Variants in LRFN5 observed in about 807,000 individuals in gnomAD.
LRFN5 encodes leucine rich repeat and fibronectin type III domain containing 5.
A neutral mutation model predicts 45.6 loss-of-function variants in LRFN5; 24 were observed. That is an observed-to-expected ratio of 0.53 (90% confidence interval 0.38 to 0.74). The LOEUF (loss-of-function observed/expected upper bound fraction) is 0.74, where lower values mean the gene tolerates loss of function less well. LRFN5 is among the 30% of genes least tolerant of loss of function. The pLI is 0.00. For synonymous variants in LRFN5, 340 were observed against 313.8 expected, an observed-to-expected ratio of 1.08 and a Z score of -0.88; for missense variants, 776 against 861.5, an observed-to-expected ratio of 0.90 and a Z score of 1.24.
chr14:41,782,993 A>G (rs1485912720), intron 2 of LRFN5, among the ~76,000 whole-genome samples: 2 of 47,114 alleles, frequency 4.2e-5, no homozygotes, highest in African/African-American at 7.8e-5. Flanking sequence ...TTTTTTTTCT[A>G]TTAGATGAAT....
intron 2 of LRFN5, among the ~76,000 whole-genome samples, chr14:41,860,626 A>G (rs1594473335): frequency 6.6e-6 from 1 of 152,230 alleles, no homozygotes; most frequent in East Asian, 1.9e-4. Flanking sequence ...AAAAATTAAA[A>G]CAGGAAAAAG....
intron 2 of LRFN5, among the ~76,000 whole-genome samples, chr14:41,851,559 A>G (rs1308930675): frequency 2.0e-5 from 3 of 151,818 alleles, no homozygotes; most frequent in African/African-American, 7.2e-5. Context: ...TTTTACATAA[A>G]TTAATTTAAA....
At chr14:41,801,228 A>T (rs1594421055) in intron 2 of LRFN5, among the ~76,000 whole-genome samples, 1 of 152,118 alleles carries the variant, frequency 6.6e-6, no homozygotes, top group African/African-American at 2.4e-5. Flanking sequence ...ATATCTGCAT[A>T]TAAAAAATGG....
chr14:41,751,317 C>G (rs1455990565), intron 1 of LRFN5, among the ~76,000 whole-genome samples: 2 of 151,946 alleles, frequency 1.3e-5, no homozygotes, highest in African/African-American at 4.8e-5. Flanking sequence ...AATTCAAATG[C>G]ACATACTTTT....
intron 1 of LRFN5, among the ~76,000 whole-genome samples, chr14:41,727,812 C>T (rs545321697): frequency 6.6e-6 from 1 of 152,178 alleles, no homozygotes; most frequent in African/African-American, 2.4e-5. Context: ...GTATATGTGA[C>T]TTTGAGCCAA....
intron 2 of LRFN5, among the ~76,000 whole-genome samples, chr14:41,800,650 T>A (rs1182897232): frequency 6.6e-6 from 1 of 151,752 alleles, no homozygotes; most frequent in African/African-American, 2.4e-5. Context: ...CTATAATTCC[T>A]AACAAATGAA....
intron 1 of LRFN5, among the ~76,000 whole-genome samples, chr14:41,653,029 ATTTG>A (rs1880204684): frequency 6.6e-6 from 1 of 151,956 alleles, no homozygotes; most frequent in Admixed American, 6.6e-5. Flanking sequence ...CTTCTTGTAA[ATTTG>A]TTTAAGTTCC....
chr14:41,632,303 T>G (rs1018804424), intron 1 of LRFN5, among the ~76,000 whole-genome samples: 48 of 152,264 alleles, frequency 3.2e-4, no homozygotes, highest in African/African-American at 1.1e-3. Flanking sequence ...AACGGCCCTT[T>G]AAAAATGTAG....
At chr14:41,796,177 A>G (rs1887123780) in intron 2 of LRFN5, among the ~76,000 whole-genome samples, 4 of 152,038 alleles carry the variant, frequency 2.6e-5, no homozygotes, top group Admixed American at 2.6e-4. Flanking sequence ...TTTGAATAAA[A>G]AAGTTTTTCT....
chr14:41,630,549 T>A (rs1440762552), intron 1 of LRFN5, among the ~76,000 whole-genome samples: 1 of 152,148 alleles, frequency 6.6e-6, no homozygotes, highest in East Asian at 1.9e-4. Flanking sequence ...TATTATATAC[T>A]GTAATTACTA....
chr14:41,899,055 A>G (rs1891027955), intron 5 of LRFN5, 95 bp downstream of exon 5: 1 of 984,764 alleles, frequency 1.0e-6, no homozygotes, highest in Non-Finnish European at 1.5e-6. Context: ...TAATTTATGT[A>G]GCTTGTTGAA....
At chr14:41,756,796 G>A (rs539325794) in intron 1 of LRFN5, among the ~76,000 whole-genome samples, 1 of 152,280 alleles carries the variant, frequency 6.6e-6, no homozygotes, top group South Asian at 2.1e-4. Flanking sequence ...TCCATTGCTG[G>A]TGAGGAGCTG....
At chr14:41,736,616 A>T (rs1488943347) in intron 1 of LRFN5, among the ~76,000 whole-genome samples, 1 of 152,194 alleles carries the variant, frequency 6.6e-6, no homozygotes, top group African/African-American at 2.4e-5. Context: ...CAGACTAATA[A>T]AGAAGAAAAG....
rs577352078 is a variant in LRFN5 at position 41,668,017 on chromosome 14, G to T, written c.-197+59455G>T. 2.6e-5 allele frequency among the ~76,000 whole-genome samples: 4 copies of T among 152,170 alleles called. No homozygotes were observed. In the East Asian group the frequency reaches 7.7e-4, roughly 29 times the overall value. On this transcript the variant is annotated intron_variant, in intron 1 of 5. Coordinates refer to ENST00000298119, the MANE Select transcript of LRFN5 (RefSeq NM_152447.5). ...GGGTCAAGACTGGCTGTAGAACTTT[G>T]GGAAGGTCGAACCTTGTGCTTCAGC...
At chr14:41,813,166 A>G (rs1307877389) in intron 2 of LRFN5, among the ~76,000 whole-genome samples, 5 of 152,138 alleles carry the variant, frequency 3.3e-5, no homozygotes, top group African/African-American at 1.2e-4. Flanking sequence ...CTAACTACAG[A>G]GAACAATTAC....
intron 1 of LRFN5, among the ~76,000 whole-genome samples, chr14:41,735,350 C>T (rs1884378861): frequency 6.6e-6 from 1 of 152,094 alleles, no homozygotes. Flanking sequence ...TCACTGAAGC[C>T]TCAAACTCCT....
At chr14:41,881,951 G>A (rs532483381) in intron 2 of LRFN5, among the ~76,000 whole-genome samples, 6 of 152,180 alleles carry the variant, frequency 3.9e-5, no homozygotes, top group Admixed American at 2.0e-4. Context: ...AATATCTGGG[G>A]TGTCTCTGGA....
intron 2 of LRFN5, among the ~76,000 whole-genome samples, chr14:41,811,592 A>T (rs1887738132): frequency 6.6e-6 from 1 of 152,130 alleles, no homozygotes; most frequent in African/African-American, 2.4e-5. Context: ...TATTAATAAA[A>T]AGGAATAAAG....
At chr14:41,655,388 C>T (rs546540127) in intron 1 of LRFN5, among the ~76,000 whole-genome samples, 2 of 152,026 alleles carry the variant, frequency 1.3e-5, no homozygotes, top group African/African-American at 4.8e-5. Flanking sequence ...GAAGAGAAAA[C>T]AGCAAGCATA....
Sources: allele counts gnomAD v4.1 joint callset (sites outside exome capture counted in the v4.1 genomes callset), GRCh38; gene constraint gnomAD v4.1.1; transcripts MANE v1.5; gene names NCBI Gene and HGNC (gene_info 2026-07-23, HGNC 2026-07-21).